Variants in LRRC37B observed in about 807,000 individuals in gnomAD.
LRRC37B encodes the protein leucine rich repeat containing 37B.
LRRC37B carries 28 observed loss-of-function variants against 98.3 expected under a neutral mutation model. The observed-to-expected ratio is 0.28, with a 90% CI of 0.21 to 0.39. The LOEUF (loss-of-function observed/expected upper bound fraction) is 0.39, where lower values mean the gene tolerates loss of function less well. LRRC37B is among the 10% of genes least tolerant of loss of function. The probability of loss-of-function intolerance (pLI) is 1.00; values close to 1 mark genes in which losing one functional copy is unlikely to be tolerated. For synonymous variants in LRRC37B, 364 were observed against 442.7 expected (o/e 0.82, Z 2.23); for missense variants, 938 against 1,182.7 (o/e 0.79, Z 3.03).
intron 5 of LRRC37B, among the ~76,000 whole-genome samples, chr17:32,033,383 TGAG>T (rs1911162344): frequency 6.8e-6 from 1 of 146,022 alleles, no homozygotes; most frequent in Non-Finnish European, 1.5e-5. Flanking sequence ...GGGAGGGAAA[TGAG>T]GAAAGAAAGA....
At position 32,049,943 on chromosome 17, in the gene LRRC37B, TTCTC is replaced by T. The variant is rs1000783298; in HGVS notation, c.2758-52_2758-49del. ...TGGGGTTTTGAAAAGTTAGCTTCCA[TTCTC>T]TCTCTCTTTTTTTTTAATTGTTCTT... On this transcript the variant is annotated intron_variant, in intron 10 of 11. Transcript: ENST00000327564. The T allele has an allele frequency of 3.4e-5, 35 of 1,043,380 alleles. No individual in the cohort carries two copies. The Admixed American group carries it at 4.3e-4, about 13-fold the overall frequency. 64.6% of individuals were successfully genotyped at this position (1,043,380 alleles called of 1,614,324 possible).
At chr17:32,026,360 C>G (rs1910952600) in intron 2 of LRRC37B, among the ~76,000 whole-genome samples, 1 of 152,186 alleles carries the variant, frequency 6.6e-6, no homozygotes, top group African/African-American at 2.4e-5. Flanking sequence ...ACTGAAAATA[C>G]AGAAATTAGC....
chr17:32,047,716 A>G (rs1598214759), intron 8 of LRRC37B, 45 bp from the exon 12 acceptor site: 1 of 1,613,496 alleles, frequency 6.2e-7, no homozygotes, highest in East Asian at 2.2e-5. Context: ...ATGAAAGATG[A>G]TCAAAGATAT....
rs529092862 is a variant in LRRC37B, at chr17:32,050,498, A to T, written c.2862+391A>T. ...TAATCTCCACCCTCACGGAGTTGTA[A>T]TCACCCTGGAGAGGAAGAAGACAGC... On this transcript the variant is annotated intron_variant, in intron 11 of 11. Transcript: ENST00000327564. The T allele has an allele frequency of 1.1e-4, 25 of 236,806 alleles. 1 individual carries two copies. The highest frequency in any genetic ancestry group is 3.5e-4 in the South Asian group (7 of 19,752). 14.7% of individuals were successfully genotyped at this position (236,806 alleles called of 1,614,324 possible).
At chr17:32,052,974 G>A (rs1911800719) in intron 11 of LRRC37B, 4 of 284,336 alleles carry the variant, frequency 1.4e-5, no homozygotes, top group East Asian at 1.8e-4. Context: ...AGTATATGGG[G>A]GGGGGTGTGT....
chr17:32,031,380 A>T (rs756736262), exon 5 of LRRC37B: 1 of 1,610,446 alleles, frequency 6.2e-7, no homozygotes, highest in Non-Finnish European at 8.5e-7. Context: ...TTTTGTAGAA[A>T]TCTGGGCTGC....
rs753498278 is a variant in LRRC37B at position 32,034,935 on chromosome 17, A to G, written c.2083A>G (p.Thr695Ala). 55 of 1,612,178 alleles carry G rather than the reference A, an allele frequency of 3.4e-5. No homozygotes were observed. In the South Asian group the frequency reaches 5.7e-4, roughly 17 times the overall value. ...AATTCTCAATCGCAATCCTCTGACT[A>G]CTGTCGAAGATCCATATCTCTTTGA... The change falls in exon 6 of 12, where the codon ACT becomes GCT. Residue 695 changes from threonine to alanine, a missense_variant. Physicochemically the swap from Thr to Ala is moderately conservative, Grantham distance 58. This residue lies in a region of LRRC37B where 328 missense variants were observed against 557.0 expected (regional missense o/e 0.59). Transcript: ENST00000327564.
chr17:32,013,778 TC>T (rs1910590880), intron 1 of LRRC37B, among the ~76,000 whole-genome samples: 1 of 152,094 alleles, frequency 6.6e-6, no homozygotes, highest in South Asian at 2.1e-4. Context: ...TAGATATGTA[TC>T]TATACTTTCA....
intron 1 of LRRC37B, among the ~76,000 whole-genome samples, chr17:32,008,543 T>C (rs1410655424): frequency 6.6e-6 from 1 of 152,270 alleles, no homozygotes; most frequent in East Asian, 1.9e-4. Flanking sequence ...TTTGCATTTC[T>C]AATGTGTTTC....
chr17:32,052,620 TAGAA>T (rs773763232), intron 11 of LRRC37B: 22 of 152,176 alleles, frequency 1.4e-4, no homozygotes, highest in Non-Finnish European at 2.5e-4. Context: ...AAAATACAAT[TAGAA>T]AGTACAGTAT....
chr17:32,009,842 C>T (rs1326106244), intron 1 of LRRC37B, among the ~76,000 whole-genome samples: 1 of 151,268 alleles, frequency 6.6e-6, no homozygotes, highest in Non-Finnish European at 1.5e-5. Flanking sequence ...GATGGGGTTT[C>T]GCTGTGTTGC....
chr17:32,045,597 G>GT, intron 7 of LRRC37B, 103 bp from the exon 11 acceptor site: 1 of 1,404,646 alleles, frequency 7.1e-7, no homozygotes, highest in East Asian at 2.3e-5. Flanking sequence ...ACGGGTCTCA[G>GT]TAACACCTCT....
At chr17:32,022,773 C>T (rs768851149) in exon 1 of LRRC37B, 11 of 1,613,870 alleles carry the variant, frequency 6.8e-6, no homozygotes, top group Middle Eastern at 1.6e-4. Context: ...GCAGAGGCTC[C>T]GCCAAGTGCC....
At chr17:32,032,637 G>C (rs1911141275) in intron 5 of LRRC37B, among the ~76,000 whole-genome samples, 1 of 152,150 alleles carries the variant, frequency 6.6e-6, no homozygotes, top group Non-Finnish European at 1.5e-5. Flanking sequence ...AGAGGGAGGT[G>C]TTCAGGATGT....
At chr17:32,015,900 G>A (rs1910640024) in intron 1 of LRRC37B, among the ~76,000 whole-genome samples, 1 of 152,350 alleles carries the variant, frequency 6.6e-6, no homozygotes, top group Admixed American at 6.5e-5. Context: ...CACAGCGCCA[G>A]GAGGCACAGC....
intron 10 of LRRC37B, 47 bp downstream of exon 13, chr17:32,049,441 C>T (rs753599261): frequency 3.1e-5 from 48 of 1,570,042 alleles, no homozygotes; most frequent in Middle Eastern, 3.4e-4. Flanking sequence ...CATCATTTAG[C>T]GTATGCCAGG....
chr17:32,051,977 T>C (rs1003357112), intron 11 of LRRC37B: 8 of 151,528 alleles, frequency 5.3e-5, no homozygotes, highest in African/African-American at 1.9e-4. Context: ...CATTTTCTAG[T>C]TAGTTATTGG....
chr17:32,037,963 C>G (rs1911298956), intron 7 of LRRC37B, among the ~76,000 whole-genome samples: 1 of 151,932 alleles, frequency 6.6e-6, no homozygotes, highest in Non-Finnish European at 1.5e-5. Flanking sequence ...CACACACACA[C>G]AAACACACAC....
intron 10 of LRRC37B, among the ~76,000 whole-genome samples, chr17:32,049,737 C>T (rs1177124601): frequency 1.3e-5 from 2 of 152,088 alleles, no homozygotes; most frequent in African/African-American, 4.8e-5. Context: ...TGTGGTGACA[C>T]GTGCCTGTAG....
Sources: gnomAD v4.1 joint callset for allele counts (sites outside exome capture counted in the v4.1 genomes callset) on GRCh38, gnomAD v4.1.1 for gene constraint, gnomAD v4.1.1 regional missense constraint, MANE v1.5 for transcripts, NCBI Gene and HGNC (gene_info 2026-07-23, HGNC 2026-07-21) for gene names.